The following ERBB4 variants were observed in gnomAD, a reference collection of about 807,000 sequenced individuals.
ERBB4 encodes the protein erb-b2 receptor tyrosine kinase 4.
A neutral mutation model predicts 158.0 loss-of-function variants in ERBB4; 42 were observed. That is an observed-to-expected ratio of 0.27 (90% confidence interval 0.21 to 0.34). ERBB4 has a LOEUF of 0.34. ERBB4 is among the 10% of genes least tolerant of loss of function. The pLI is 1.00. For missense variants in ERBB4, 1,333 were observed against 1,624.1 expected, an observed-to-expected ratio of 0.82 and a Z score of 3.08; for synonymous variants, 583 against 558.7, an observed-to-expected ratio of 1.04 and a Z score of -0.61.
intron 25 of ERBB4, among the ~76,000 whole-genome samples, chr2:211,405,955 A>C (rs939585292): frequency 4.6e-5 from 7 of 152,046 alleles, no homozygotes; most frequent in African/African-American, 1.7e-4. Context: ...GCAACATCCA[A>C]CTGATACCCA....
At chr2:211,811,279 G>A (rs1464786904) in intron 3 of ERBB4, among the ~76,000 whole-genome samples, 1 of 152,080 alleles carries the variant, frequency 6.6e-6, no homozygotes, top group Admixed American at 6.5e-5. Flanking sequence ...ATGAAGCTTA[G>A]TTTGACTGGA....
At position 212,172,533 on chromosome 2, in the gene ERBB4, G is replaced by A. The variant is rs180808633; in HGVS notation, c.83-47630C>T. Among the ~76,000 whole-genome samples, 88 of 152,188 alleles carry A rather than the reference G, an allele frequency of 5.8e-4. 1 individual carries two copies. Among genetic ancestry groups the A allele is most frequent in the Middle Eastern group, 6.8e-3 (2 of 294 alleles). On this transcript the variant is annotated intron_variant, in intron 1 of 27. Coordinates refer to ENST00000342788, the MANE Select transcript of ERBB4 (RefSeq NM_005235.3). ...TCAACCCACATTTCCATCAATTGCA[G>A]ATTAGATAAAGAAAATGTACATATA...
intron 2 of ERBB4, among the ~76,000 whole-genome samples, chr2:212,041,919 T>C (rs2077150398): frequency 6.6e-6 from 1 of 152,118 alleles, no homozygotes; most frequent in Non-Finnish European, 1.5e-5. Flanking sequence ...TCTATACCTA[T>C]TACATTGTCA....
intron 2 of ERBB4, among the ~76,000 whole-genome samples, chr2:212,094,320 G>T (rs2078865425): frequency 6.7e-6 from 1 of 149,620 alleles, no homozygotes; most frequent in Admixed American, 6.6e-5. Context: ...AAAACAAAAA[G>T]AATACAAAGG....
chr2:212,256,001 A>ATTT (rs71054189), intron 1 of ERBB4, among the ~76,000 whole-genome samples: 10 of 146,850 alleles, frequency 6.8e-5, no homozygotes, highest in African/African-American at 1.3e-4. Context: ...TTATTTATTT[A>ATTT]TTTTTTTTTT....
chr2:211,608,551 T>A (rs2069073424), intron 19 of ERBB4, among the ~76,000 whole-genome samples: 1 of 152,204 alleles, frequency 6.6e-6, no homozygotes, highest in Non-Finnish European at 1.5e-5. Context: ...TAGCCCAATA[T>A]AGATACAAAG....
intron 12 of ERBB4, among the ~76,000 whole-genome samples, chr2:211,701,161 A>C (rs1466126127): frequency 2.0e-5 from 3 of 152,236 alleles, no homozygotes; most frequent in Non-Finnish European, 2.9e-5. Flanking sequence ...TGTCTACATA[A>C]ATGCATTAAT....
intron 3 of ERBB4, among the ~76,000 whole-genome samples, chr2:211,867,464 C>A (rs2078238542): frequency 6.6e-6 from 1 of 152,094 alleles, no homozygotes; most frequent in Admixed American, 6.6e-5. Flanking sequence ...TGCAGAAAAT[C>A]AAATAGTAAT....
intron 1 of ERBB4, among the ~76,000 whole-genome samples, chr2:212,439,104 C>T (rs941050880): frequency 1.3e-5 from 2 of 152,120 alleles, no homozygotes; most frequent in African/African-American, 4.8e-5. Context: ...AAGGAACACA[C>T]TTTCAACAGT....
In ERBB4 at chr2:211,382,730, A is replaced by C. The variant is rs1413366572; in HGVS notation, c.*885T>G. On this transcript the variant is annotated 3_prime_UTR_variant, in exon 28 of 28. Transcript: ENST00000342788. ...AGTAGTGTCATTTATGGAGAAAAAA[A>C]AATGTTGAAAAATGTAAAGGATGAG... 3 of 232,548 alleles carry C rather than the reference A, an allele frequency of 1.3e-5. No individual in the cohort carries two copies. The highest frequency in any genetic ancestry group is 6.6e-5 in the African/African-American group (3 of 45,316). The allele number at this position is 232,548 out of a possible 1,614,324, so 14.4% of individuals were successfully genotyped here. A position where few individuals can be genotyped will look rare whatever the true frequency, so the allele number is the denominator to read the frequency against.
chr2:211,531,036 C>T (rs1167732534), intron 20 of ERBB4, among the ~76,000 whole-genome samples: 1 of 152,026 alleles, frequency 6.6e-6, no homozygotes, highest in South Asian at 2.1e-4. Context: ...TCATTTTTGA[C>T]AAAGGTACCA....
intron 7 of ERBB4, among the ~76,000 whole-genome samples, chr2:211,718,234 C>T (rs991383712): frequency 3.3e-5 from 5 of 151,900 alleles, no homozygotes; most frequent in African/African-American, 1.2e-4. Flanking sequence ...TTTTATAACC[C>T]ACATCTTAAA....
chr2:211,590,564 C>T (rs933442343), intron 19 of ERBB4, among the ~76,000 whole-genome samples: 4 of 151,992 alleles, frequency 2.6e-5, no homozygotes, highest in African/African-American at 9.7e-5. Context: ...GACAGGGACC[C>T]CCCTCCCCAC....
intron 25 of ERBB4, among the ~76,000 whole-genome samples, chr2:211,390,490 A>G (rs2062777933): frequency 6.6e-6 from 1 of 152,222 alleles, no homozygotes; most frequent in Non-Finnish European, 1.5e-5. Flanking sequence ...CAGCTGAGAA[A>G]TGAGTATTGA....
intron 3 of ERBB4, among the ~76,000 whole-genome samples, chr2:211,844,816 A>T (rs1234794162): frequency 1.3e-5 from 2 of 152,138 alleles, no homozygotes; most frequent in South Asian, 2.1e-4. Flanking sequence ...CGACTACATT[A>T]AGCACCATTT....
intron 20 of ERBB4, among the ~76,000 whole-genome samples, chr2:211,544,471 T>A (rs563359263): frequency 1.6e-4 from 24 of 152,110 alleles, no homozygotes; most frequent in Non-Finnish European, 2.9e-4. Context: ...GTGGAAACGC[T>A]TGGGTCGAGC....
chr2:211,561,399 C>A (rs1023329523), intron 20 of ERBB4, among the ~76,000 whole-genome samples: 4 of 152,174 alleles, frequency 2.6e-5, no homozygotes, highest in Admixed American at 6.5e-5. Flanking sequence ...TGTGACATGC[C>A]TAAGCCTTTG....
At chr2:212,468,551 T>A (rs1688958591) in intron 1 of ERBB4, among the ~76,000 whole-genome samples, 1 of 152,154 alleles carries the variant, frequency 6.6e-6, no homozygotes, top group African/African-American at 2.4e-5. Context: ...TTGTGAGGCC[T>A]CCCCAGCCAT....
At chr2:212,103,312 T>C (rs1021907078) in intron 2 of ERBB4, among the ~76,000 whole-genome samples, 6 of 152,098 alleles carry the variant, frequency 3.9e-5, no homozygotes, top group Non-Finnish European at 8.8e-5. Flanking sequence ...TAGAATATAA[T>C]GTGAGTCAAT....
Sources: gnomAD v4.1 joint callset for allele counts (sites outside exome capture counted in the v4.1 genomes callset) on GRCh38, gnomAD v4.1.1 for gene constraint, MANE v1.5 for transcripts, NCBI Gene and HGNC (gene_info 2026-07-23, HGNC 2026-07-21) for gene names.